MTERF4: variants seen among roughly 807,000 people sequenced by gnomAD.
MTERF4 encodes transcription termination factor 4, mitochondrial.
In MTERF4, 17 loss-of-function variants were observed where a neutral mutation model predicts 22.5. The observed-to-expected ratio is 0.75, with a 90% CI of 0.52 to 1.13. The LOEUF (loss-of-function observed/expected upper bound fraction) is 1.13, where lower values mean the gene tolerates loss of function less well. MTERF4 is among the 50% of genes most tolerant of loss of function. The probability of loss-of-function intolerance (pLI) is 0.00; values close to 1 mark genes in which losing one functional copy is unlikely to be tolerated. For missense variants in MTERF4, 420 were observed against 466.8 expected (o/e 0.90, Z 0.92); for synonymous variants, 165 against 175.3 (o/e 0.94, Z 0.47).
downstream of MTERF4, chr2:241,068,772 CG>C (rs1347170443): frequency 1.6e-6 from 1 of 629,594 alleles, no homozygotes; most frequent in Non-Finnish European, 2.8e-6. The surrounding 1 kb of genome is among the most constrained non-coding windows in gnomAD (Gnocchi z 5.3). Context: ...GTCTGCCCCT[CG>C]TGGAGGTTGC....
chr2:241,067,913 G>A (rs200407668), downstream of MTERF4: 187 of 1,613,274 alleles, frequency 1.2e-4, no homozygotes, highest in African/African-American at 3.1e-4. Context: ...CCAGGCCACC[G>A]ATGTGGACAG....
downstream of MTERF4, among the ~76,000 whole-genome samples, chr2:241,071,202 G>T (rs2062697018): frequency 6.6e-6 from 1 of 152,192 alleles, no homozygotes; most frequent in South Asian, 2.1e-4. Context: ...CCATCAGGAG[G>T]CCACTGGGGA....
At chr2:241,070,321 C>T (rs1416539174), downstream of MTERF4, 2 of 1,089,444 alleles carry the variant, frequency 1.8e-6, no homozygotes, top group East Asian at 2.6e-5. Context: ...AGAAACAGGA[C>T]CGTGTTAGCA....
chr2:241,068,050 AC>A (rs5839780), downstream of MTERF4: 296,857 of 1,074,420 alleles, frequency 0.28, 45,583 homozygotes, highest in African/African-American at 0.55. This position sits in a 1 kb window ranked among gnomAD's most constrained non-coding sequence, Gnocchi z 5.3. Flanking sequence ...TGTGGACTGT[AC>A]CACCTGCCGC....
the MTERF4 span, chr2:241,063,833 T>G: frequency 1.2e-6 from 1 of 800,932 alleles, no homozygotes; most frequent in Non-Finnish European, 2.0e-6. Context: ...TGCGGCCACC[T>G]TGGGAGGGAG....
the MTERF4 span, chr2:241,064,932 C>T: frequency 6.3e-7 from 1 of 1,586,732 alleles, no homozygotes; most frequent in Non-Finnish European, 8.5e-7. The surrounding 1 kb of genome is among the most constrained non-coding windows in gnomAD (Gnocchi z 7.0). Flanking sequence ...GCAAAGTGGG[C>T]TACACGGGCG....
downstream of MTERF4, among the ~76,000 whole-genome samples, chr2:241,085,277 A>G (rs1456841312): frequency 6.6e-6 from 1 of 152,132 alleles, no homozygotes; most frequent in Non-Finnish European, 1.5e-5. Flanking sequence ...AGGTCACTGC[A>G]GCTCTTCTCA....
intron 4 of MTERF4, among the ~76,000 whole-genome samples, chr2:241,076,952 G>A (rs531094438): frequency 6.6e-6 from 1 of 152,142 alleles, no homozygotes; most frequent in Non-Finnish European, 1.5e-5. Context: ...GGTGGCGGGC[G>A]CCTGTGGTCC....
At chr2:241,057,162 T>A in the MTERF4 span, among the ~76,000 whole-genome samples, 1 of 151,570 alleles carries the variant, frequency 6.6e-6, no homozygotes, top group African/African-American at 2.4e-5. Flanking sequence ...GAGGATCACC[T>A]GAGGTCAGGA....
the MTERF4 span, chr2:241,048,930 C>A: frequency 7.7e-7 from 1 of 1,294,248 alleles, no homozygotes. Context: ...GTTGGGGCCA[C>A]TGGGTCTTGG....
chr2:241,071,325 C>A, downstream of MTERF4: 1 of 579,566 alleles, frequency 1.7e-6, no homozygotes, highest in South Asian at 2.0e-5. Flanking sequence ...CTCATGACTC[C>A]CAGGCCAGTG....
chr2:241,049,753 G>C, the MTERF4 span: 1 of 1,304,708 alleles, frequency 7.7e-7, no homozygotes. Flanking sequence ...GTGCCCGCCA[G>C]CCTCTTGCCG....
the MTERF4 span, among the ~76,000 whole-genome samples, chr2:241,045,562 A>G: frequency 6.6e-6 from 1 of 152,154 alleles, no homozygotes; most frequent in African/African-American, 2.4e-5. Flanking sequence ...AATCTTTTCA[A>G]CAAATGGGGT....
At chr2:241,069,033 G>T (rs751578055), downstream of MTERF4, 1 of 1,537,456 alleles carries the variant, frequency 6.5e-7, no homozygotes, top group Non-Finnish European at 8.8e-7. This position sits in a 1 kb window ranked among gnomAD's most constrained non-coding sequence, Gnocchi z 4.9. Flanking sequence ...CGTGAGTAGA[G>T]CAGCGCGGCC....
intron 3 of MTERF4, 188 bp downstream of exon 3, chr2:241,097,055 C>T: frequency 6.3e-6 from 4 of 637,560 alleles, no homozygotes; most frequent in Non-Finnish European, 8.2e-6. Flanking sequence ...TCACTTCCTC[C>T]ACTCAAATAT....
the MTERF4 span, among the ~76,000 whole-genome samples, chr2:241,054,549 C>G: frequency 1.3e-5 from 2 of 152,134 alleles, no homozygotes; most frequent in Non-Finnish European, 2.9e-5. Flanking sequence ...GCCTGGGTAG[C>G]AGAGCAAGAC....
At chr2:241,056,094 A>T in the MTERF4 span, among the ~76,000 whole-genome samples, 1 of 150,370 alleles carries the variant, frequency 6.7e-6, no homozygotes, top group Admixed American at 6.6e-5. Context: ...ATAGAAAAAG[A>T]CCTTATGGAT....
Position 241,078,272 on chromosome 2 carries a change from C to A in MTERF4, n.480-2590G>T, listed in dbSNP as rs569110315. ...GTGGCGGGCGCCTGTAGTCCCAGCT[C>A]CTCAGGAGGCTGAGGCAGGAGAATC... On this transcript the variant is annotated intron_variant and non_coding_transcript_variant, in intron 4 of 4. Coordinates refer to the MTERF4 transcript ENST00000464344. Among the ~76,000 whole-genome samples the A allele has an allele frequency of 3.3e-3, 497 of 151,154 alleles. 4 individuals carry two copies. The highest frequency in any genetic ancestry group is 3.9e-3 in the Non-Finnish European group (263 of 67,884).
At chr2:241,044,787 C>G in the MTERF4 span, among the ~76,000 whole-genome samples, 2 of 152,316 alleles carry the variant, frequency 1.3e-5, no homozygotes, top group Non-Finnish European at 2.9e-5. Flanking sequence ...TTTTCCCTTT[C>G]CTGTTGTTTT....
Sources: gnomAD v4.1 joint callset for allele counts (sites outside exome capture counted in the v4.1 genomes callset) on GRCh38, gnomAD v4.1.1 for gene constraint, Gnocchi (gnomAD v3.1) non-coding constraint, MANE v1.5 for transcripts, NCBI Gene and HGNC (gene_info 2026-07-23, HGNC 2026-07-21) for gene names.